A1BG: variants seen among roughly 807,000 people sequenced by gnomAD.
The protein encoded by A1BG is alpha-1-B glycoprotein.
A neutral mutation model predicts 46.0 loss-of-function variants in A1BG; 44 were observed. That is an observed-to-expected ratio of 0.96 (90% confidence interval 0.75 to 1.23). The LOEUF (loss-of-function observed/expected upper bound fraction) is 1.23, where lower values mean the gene tolerates loss of function less well. Ranked by LOEUF, A1BG falls within the 50% of genes most tolerant of loss-of-function variation. A1BG has a pLI of 0.00. For synonymous variants in A1BG, 316 were observed against 314.7 expected, an observed-to-expected ratio of 1.00 and a Z score of -0.04; for missense variants, 707 against 688.8, an observed-to-expected ratio of 1.03 and a Z score of -0.30.
chr19:58,347,136 G>A lies in A1BG; in HGVS notation c.1481-107C>T, dbSNP rs1433107481. On this transcript the variant is annotated intron_variant, in intron 7 of 7. Coordinates refer to ENST00000263100, the MANE Select transcript of A1BG (RefSeq NM_130786.4). Reference sequence around the variant, plus strand: ...CTGACGCCCCCCCGGAAGGAAGCGCGTGGTCGGCTGCCAGCCGAGACCCCC... The same window carrying A: ...CTGACGCCCCCCCGGAAGGAAGCGCATGGTCGGCTGCCAGCCGAGACCCCC... 1.2e-5 allele frequency: 17 copies of A among 1,458,930 alleles called. 1 individual carries two copies. The highest frequency in any genetic ancestry group is 1.9e-6 in the Non-Finnish European group (2 of 1,061,644). The allele number at this position is 1,458,930 out of a possible 1,614,324, so 90.4% of individuals were successfully genotyped here.
Position 58,351,503 on chromosome 19 carries a change from C to G in A1BG, c.798G>C (p.Leu266=), listed in dbSNP as rs747779138. The change falls in exon 5 of 8, where the codon CTG becomes CTC. Residue 266 remains leucine (L), a synonymous_variant. Transcript: ENST00000263100. The part of the protein sequence containing the change: ...STSPDRIFFH[L]NAVALGDGGH... ...CTCCATCCCCCAGGGCCACCGCGTT[C>G]AGGTGAAAGAAGATGCGATCTGGGC... 1.2e-6 allele frequency: 2 copies of G among 1,613,924 alleles called. No individual in the cohort carries two copies. Among genetic ancestry groups the G allele is most frequent in the Non-Finnish European group, 1.7e-6 (2 of 1,180,036 alleles).
intron 6 of A1BG, 139 bp from the exon 7 acceptor site, chr19:58,347,779 A>T: frequency 2.0e-6 from 1 of 501,426 alleles, no homozygotes; most frequent in Non-Finnish European, 3.0e-6. Context: ...TCCTGGGCGC[A>T]GAGGGCTCCT....
intron 5 of A1BG, 177 bp from the exon 6 acceptor site, chr19:58,350,828 C>T (rs1268004668): frequency 1.9e-6 from 1 of 534,212 alleles, no homozygotes; most frequent in Non-Finnish European, 3.0e-6. Context: ...TTGGATATCT[C>T]ACACGCACCC....
At position 58,346,664 on chromosome 19, in the gene A1BG, G is replaced by T. The variant is rs966847499; in HGVS notation, c.*358C>A. 2 of 332,028 alleles carry T rather than the reference G, an allele frequency of 6.0e-6. No individual in the cohort carries two copies. The highest frequency in any genetic ancestry group is 5.7e-6 in the Non-Finnish European group (1 of 175,114). 20.6% of individuals were successfully genotyped at this position (332,028 alleles called of 1,614,324 possible). On this transcript the variant is annotated 3_prime_UTR_variant, in exon 8 of 8. Coordinates refer to ENST00000263100, the MANE Select transcript of A1BG (RefSeq NM_130786.4). ...GAGCCTGGGAGGTCAAAACTGCAGT[G>T]AGCCGGACTGCAACACTGCACTCCA... is the stretch of plus-strand genomic sequence containing the variant.
In A1BG at chr19:58,350,364, G is replaced by C. The variant is rs1378330902; in HGVS notation, c.1192+6C>G. ...GCCCGCCCTCGCTGGTGCCCCGCCA[G>C]CTCACCGTCCACGTGCAGCTCCAAG... is the stretch of plus-strand genomic sequence containing the variant. On this transcript the variant is annotated splice_donor_region_variant and intron_variant, in intron 6 of 7. Transcript: ENST00000263100. 6.5e-7 allele frequency: 1 copy of C among 1,534,150 alleles called. No homozygotes were observed. The highest frequency in any genetic ancestry group is 2.0e-5 in the Admixed American group (1 of 50,052).
rs768058729 is a variant in A1BG, at chr19:58,352,552, G to T, written c.344C>A (p.Ser115Tyr). The T allele has an allele frequency of 8.1e-6, 13 of 1,607,330 alleles. No individual in the cohort carries two copies. The highest frequency in any genetic ancestry group is 1.1e-5 in the Non-Finnish European group (13 of 1,179,470). The change falls in exon 4 of 8, where the codon TCC (serine) becomes TAC (tyrosine). Residue 115 changes from serine to tyrosine, a missense_variant. Ser to Tyr is a moderately radical substitution (Grantham distance 144). Transcript: ENST00000263100. ...CATCGAGAGCCAGGGAGCAGGCAAG[G>T]ACTCTGTGGGTGGGGTGGAGTTGAA... ...SKLLELTGPKSLPAPWLSMAP... is the reference protein window; with the variant it reads ...SKLLELTGPKYLPAPWLSMAP...
intron 4 of A1BG, chr19:58,351,920 T>A (rs2051963307): frequency 1.4e-6 from 1 of 698,968 alleles, no homozygotes; most frequent in African/African-American, 1.8e-5. Flanking sequence ...CTCAGCCTCC[T>A]GAGTAGCTGG....
In A1BG at chr19:58,352,910, A is replaced by G. The variant is rs559852883; in HGVS notation, c.340+18T>C. The G allele has an allele frequency of 1.9e-5, 30 of 1,602,846 alleles. No homozygotes were observed. Among genetic ancestry groups the G allele is most frequent in the Admixed American group, 1.2e-4 (7 of 59,470 alleles). On this transcript the variant is annotated intron_variant, in intron 3 of 7. Coordinates refer to ENST00000263100, the MANE Select transcript of A1BG (RefSeq NM_130786.4). ...CCTACCCACTGCCTCCTGGCCCCCA[A>G]TTCATGCCCCGGCTCACTTGGCCCT...
Position 58,353,163 on chromosome 19 carries a change from G to A in A1BG, c.105C>T (p.Ser35=), listed in dbSNP as rs776426662. The change falls in exon 3 of 8, where the codon TCC becomes TCT. Residue 35 remains serine, a synonymous_variant. Coordinates refer to ENST00000263100, the MANE Select transcript of A1BG (RefSeq NM_130786.4). Reference sequence around the variant, plus strand: ...TGGCCAAGGGTTTCAGCAGTGATTCGGACTCTGCCCACAGGCTGGGCTGCG... The same window carrying A: ...TGGCCAAGGGTTTCAGCAGTGATTCAGACTCTGCCCACAGGCTGGGCTGCG... The part of the protein sequence containing the change: ...YETQPSLWAE[S]ESLLKPLANV... 1.2e-6 allele frequency: 2 copies of A among 1,614,092 alleles called. No homozygotes were observed. Among genetic ancestry groups the A allele is most frequent in the South Asian group, 1.1e-5 (1 of 91,080 alleles).
chr19:58,350,950 A>C (rs1299542111), intron 5 of A1BG: 1 of 430,326 alleles, frequency 2.3e-6, no homozygotes, highest in Non-Finnish European at 4.1e-6. Context: ...TCAGTAGTGG[A>C]TTTGCTCCAC....
intron 6 of A1BG, 24 bp from the exon 7 acceptor site, chr19:58,347,664 G>A: frequency 7.4e-7 from 1 of 1,358,386 alleles, no homozygotes; most frequent in Non-Finnish European, 9.3e-7. Context: ...GCGGGTGGTC[G>A]GGCCAGGCCA....
At chr19:58,349,513 T>TA (rs1439160366) in intron 6 of A1BG, 5 of 151,740 alleles carry the variant, frequency 3.3e-5, no homozygotes, top group Admixed American at 2.0e-4. Flanking sequence ...TAGGTGGGCA[T>TA]GGTGGCATGC....
At chr19:58,351,356 C>A (rs1297201366) in intron 5 of A1BG, 35 bp downstream of exon 5, 2 of 1,598,580 alleles carry the variant, frequency 1.3e-6, no homozygotes, top group South Asian at 2.2e-5. Context: ...CCCAGGGACC[C>A]AGCCGCGTCC....
At position 58,350,365 on chromosome 19, in the gene A1BG, C is replaced by T; in HGVS notation, c.1192+5G>A. On this transcript the variant is annotated splice_donor_5th_base_variant and intron_variant, in intron 6 of 7. Coordinates refer to ENST00000263100, the MANE Select transcript of A1BG (RefSeq NM_130786.4). ...CCCGCCCTCGCTGGTGCCCCGCCAG[C>T]TCACCGTCCACGTGCAGCTCCAAGC... is the stretch of plus-strand genomic sequence containing the variant. 6.5e-7 allele frequency: 1 copy of T among 1,534,086 alleles called. No individual in the cohort carries two copies. The highest frequency in any genetic ancestry group is 8.8e-7 in the Non-Finnish European group (1 of 1,135,884).
At position 58,345,945 on chromosome 19, in the gene A1BG, G is replaced by A. The variant is rs1343495180; in HGVS notation, c.*1077C>T. Reference sequence around the variant, plus strand: ...CCCTGCTCCAGGCAGAAACTCGGCAGTGGTTGGGAAGGCATCAGATGTCAG... The same window carrying A: ...CCCTGCTCCAGGCAGAAACTCGGCAATGGTTGGGAAGGCATCAGATGTCAG... On this transcript the variant is annotated 3_prime_UTR_variant, in exon 8 of 8. Coordinates refer to ENST00000263100, the MANE Select transcript of A1BG (RefSeq NM_130786.4). 6.6e-6 allele frequency: 1 copy of A among 152,438 alleles called. No homozygotes were observed. The highest frequency in any genetic ancestry group is 6.5e-5 in the Admixed American group (1 of 15,312). The allele number at this position is 152,438 out of a possible 1,614,324, so 9.4% of individuals were successfully genotyped here.
intron 6 of A1BG, 50 bp from the exon 7 acceptor site, chr19:58,347,690 C>CCCAGGCCGCG (rs1199358052): frequency 3.6e-6 from 3 of 835,824 alleles, no homozygotes; most frequent in Non-Finnish European, 4.7e-6. Context: ...CAGGCCACGC[C>CCCAGGCCGCG]CCAGGCCACA....
In A1BG at chr19:58,350,377, G is replaced by A; in HGVS notation, c.1185C>T (p.His395=). The A allele has an allele frequency of 6.5e-7, 1 of 1,544,810 alleles. No individual in the cohort carries two copies. Among genetic ancestry groups the A allele is most frequent in the Admixed American group, 2.0e-5 (1 of 50,736 alleles). Residue 395 remains histidine, a synonymous_variant, in exon 6 of 8, where the codon CAC becomes CAT. Transcript: ENST00000263100. ...GSAPSERLEL[H]VDGPPPRPQL... Reference sequence around the variant, plus strand: ...GGTGCCCCGCCAGCTCACCGTCCACGTGCAGCTCCAAGCGCTCGCTGGGCG... The same window carrying A: ...GGTGCCCCGCCAGCTCACCGTCCACATGCAGCTCCAAGCGCTCGCTGGGCG...
In A1BG at chr19:58,350,342, C is replaced by T. The variant is rs929118021; in HGVS notation, c.1192+28G>A. ...CCCCGAGGGGCACTGAACCCGCGCC[C>T]GCCCTCGCTGGTGCCCCGCCAGCTC... On this transcript the variant is annotated intron_variant, in intron 6 of 7. Transcript: ENST00000263100. 8 of 1,522,998 alleles carry T rather than the reference C, an allele frequency of 5.3e-6. No individual in the cohort carries two copies. In the African/African-American group the frequency reaches 7.0e-5, roughly 13 times the overall value. 94.3% of individuals were successfully genotyped at this position (1,522,998 alleles called of 1,614,324 possible).
At position 58,346,849 on chromosome 19, in the gene A1BG, A is replaced by T; in HGVS notation, c.*173T>A. 1.3e-6 allele frequency: 1 copy of T among 759,716 alleles called. No individual in the cohort carries two copies. Among genetic ancestry groups the T allele is most frequent in the Non-Finnish European group, 2.3e-6 (1 of 438,546 alleles). 47.1% of individuals were successfully genotyped at this position (759,716 alleles called of 1,614,324 possible). On this transcript the variant is annotated 3_prime_UTR_variant, in exon 8 of 8. Transcript: ENST00000263100. ...AGCCCACTCAGCCCTGGGAGTCCAA[A>T]GACATTTTAAACAGAGCCTCTCTTC...
Sources: gnomAD v4.1 joint callset for allele counts on GRCh38, gnomAD v4.1.1 for gene constraint, MANE v1.5 for transcripts, NCBI Gene and HGNC (gene_info 2026-07-23, HGNC 2026-07-21) for gene names.